The following SLC36A1 variants were observed in gnomAD, a reference collection of about 807,000 sequenced individuals.
SLC36A1 encodes proton-coupled amino acid transporter 1.
In SLC36A1, 30 loss-of-function variants were observed where a neutral mutation model predicts 47.5. The observed-to-expected ratio is 0.63, with a 90% CI of 0.47 to 0.86. The LOEUF is 0.86. Ranked by LOEUF, SLC36A1 falls within the 40% of genes least tolerant of loss-of-function variation. SLC36A1 has a pLI of 0.00. For synonymous variants in SLC36A1, 255 were observed against 249.7 expected, an observed-to-expected ratio of 1.02 and a Z score of -0.20; for missense variants, 517 against 606.0, an observed-to-expected ratio of 0.85 and a Z score of 1.54.
chr5:151,395,644 ATGAAGCTAGGGAT>A, the SLC36A1 span, among the ~76,000 whole-genome samples: 1 of 152,182 alleles, frequency 6.6e-6, no homozygotes, highest in Admixed American at 6.5e-5. Flanking sequence ...CAGTGTTTCC[ATGAAGCTAGGGAT>A]TGTGGCCAAA....
At chr5:151,501,062 C>T in the SLC36A1 span, among the ~76,000 whole-genome samples, 2 of 152,268 alleles carry the variant, frequency 1.3e-5, no homozygotes, top group African/African-American at 4.8e-5. Context: ...GACTGGGTGT[C>T]GGACCTGCCT....
chr5:151,458,058 GGC>G (rs1754851454), intron 1 of SLC36A1, among the ~76,000 whole-genome samples: 1 of 151,694 alleles, frequency 6.6e-6, no homozygotes, highest in South Asian at 2.1e-4. Flanking sequence ...ATGTTACTCA[GGC>G]TGGTCTTGAA....
the SLC36A1 span, chr5:151,507,282 G>A: frequency 8.7e-6 from 14 of 1,614,188 alleles, no homozygotes; most frequent in East Asian, 6.7e-5. Context: ...GGGTCCAAAT[G>A]TGACGAGTTC....
upstream of SLC36A1, among the ~76,000 whole-genome samples, chr5:151,433,599 A>G (rs1380389879): frequency 2.6e-5 from 4 of 151,858 alleles, no homozygotes; most frequent in Non-Finnish European, 5.9e-5. Flanking sequence ...CCTGAATAAC[A>G]TATTTTAAAA....
At chr5:151,380,450 G>T in the SLC36A1 span, 1 of 435,374 alleles carries the variant, frequency 2.3e-6, no homozygotes, top group South Asian at 1.8e-5. Context: ...TGTAGCTCAA[G>T]ACCTAGCTAG....
the SLC36A1 span, among the ~76,000 whole-genome samples, chr5:151,503,263 T>A: frequency 6.8e-6 from 1 of 148,080 alleles, no homozygotes; most frequent in Non-Finnish European, 1.5e-5. Flanking sequence ...AGTTGTCAGT[T>A]GCAACAACTA....
At chr5:151,365,039 C>T in the SLC36A1 span, among the ~76,000 whole-genome samples, 42 of 152,206 alleles carry the variant, frequency 2.8e-4, no homozygotes, top group Middle Eastern at 3.4e-3. Flanking sequence ...TGTACTTATT[C>T]GCCAAACCCA....
chr5:151,471,584 C>T (rs1241934317), intron 7 of SLC36A1, among the ~76,000 whole-genome samples: 1 of 152,222 alleles, frequency 6.6e-6, no homozygotes. Flanking sequence ...GCCACTCTTG[C>T]TCTCAAGTCC....
chr5:151,467,459 G>A (rs1756603682), intron 6 of SLC36A1, among the ~76,000 whole-genome samples, 176 bp downstream of exon 6: 2 of 152,108 alleles, frequency 1.3e-5, no homozygotes, highest in Non-Finnish European at 2.9e-5. Flanking sequence ...GAAAGAGCTC[G>A]GGCATAGAGA....
At chr5:151,406,867 G>A in the SLC36A1 span, among the ~76,000 whole-genome samples, 1,323 of 152,034 alleles carry the variant, frequency 8.7e-3, 20 homozygotes, top group African/African-American at 0.03. Flanking sequence ...GGGCCCTCGC[G>A]GTGAGTGTTA....
the SLC36A1 span, among the ~76,000 whole-genome samples, chr5:151,397,588 A>C: frequency 6.6e-6 from 1 of 151,986 alleles, no homozygotes; most frequent in Non-Finnish European, 1.5e-5. Context: ...AACATGGTGA[A>C]ACCCCGTCTC....
At chr5:151,467,424 C>T (rs2127495519) in intron 6 of SLC36A1, 141 bp downstream of exon 6, 1 of 665,570 alleles carries the variant, frequency 1.5e-6, no homozygotes, top group East Asian at 2.7e-5. Flanking sequence ...TTACATAGAT[C>T]TACGTCTTCT....
intron 2 of SLC36A1, among the ~76,000 whole-genome samples, chr5:151,461,061 C>T (rs1755429288): frequency 6.6e-6 from 1 of 151,674 alleles, no homozygotes; most frequent in East Asian, 1.9e-4. Context: ...AATCATGGCT[C>T]ACTGCAACCT....
chr5:151,424,509 T>C, the SLC36A1 span, among the ~76,000 whole-genome samples: 1 of 152,226 alleles, frequency 6.6e-6, no homozygotes, highest in African/African-American at 2.4e-5. Flanking sequence ...TATAACCTTG[T>C]CTGCTTTTTT....
the SLC36A1 span, among the ~76,000 whole-genome samples, chr5:151,352,527 A>G: frequency 6.6e-6 from 1 of 150,972 alleles, no homozygotes; most frequent in Admixed American, 6.6e-5. Flanking sequence ...AACAACACAC[A>G]AATTTGTTCT....
At chr5:151,402,030 T>C in the SLC36A1 span, among the ~76,000 whole-genome samples, 1 of 152,196 alleles carries the variant, frequency 6.6e-6, no homozygotes, top group Non-Finnish European at 1.5e-5. Context: ...CTATGTTAAA[T>C]AGGAGTGGTG....
chr5:151,554,653 C>G, the SLC36A1 span: 1 of 1,613,438 alleles, frequency 6.2e-7, no homozygotes, highest in Non-Finnish European at 8.5e-7. Flanking sequence ...GTGAGGGTTC[C>G]CCATTGTCCA....
chr5:151,548,350 A>C, the SLC36A1 span, among the ~76,000 whole-genome samples: 3 of 151,974 alleles, frequency 2.0e-5, no homozygotes, highest in Non-Finnish European at 4.4e-5. Flanking sequence ...ATTATTACAA[A>C]TTATCATTAA....
chr5:151,525,952 A>G, the SLC36A1 span: 112 of 1,614,010 alleles, frequency 6.9e-5, 1 homozygote, highest in South Asian at 1.0e-3. Context: ...TTTGCTGCCA[A>G]TGGGGGAGTT....
Sources: allele counts gnomAD v4.1 joint callset (sites outside exome capture counted in the v4.1 genomes callset), GRCh38; gene constraint gnomAD v4.1.1; transcripts MANE v1.5; gene names NCBI Gene and HGNC (gene_info 2026-07-23, HGNC 2026-07-21).